The following CFAP20DC variants were observed in gnomAD, a reference collection of about 807,000 sequenced individuals.
The protein encoded by CFAP20DC is protein CFAP20DC.
CFAP20DC carries 84 observed loss-of-function variants against 101.7 expected under a neutral mutation model. The observed-to-expected ratio is 0.83, with a 90% CI of 0.69 to 0.99. The LOEUF is 0.99. Ranked by LOEUF, CFAP20DC falls within the 50% of genes least tolerant of loss-of-function variation. The pLI, the probability that CFAP20DC is intolerant of heterozygous loss-of-function variation, is 0.00. For synonymous variants in CFAP20DC, 359 were observed against 351.2 expected, an observed-to-expected ratio of 1.02 and a Z score of -0.25; for missense variants, 1,007 against 970.3, an observed-to-expected ratio of 1.04 and a Z score of -0.50.
intron 5 of CFAP20DC, among the ~76,000 whole-genome samples, chr3:58,916,192 T>C (rs1463010858): frequency 1.3e-5 from 2 of 152,160 alleles, no homozygotes; most frequent in African/African-American, 2.4e-5. Flanking sequence ...TAGGAAAGAC[T>C]TGGAGGTGAC....
At chr3:58,739,256 T>A (rs2067827691), downstream of CFAP20DC, among the ~76,000 whole-genome samples, 1 of 152,186 alleles carries the variant, frequency 6.6e-6, no homozygotes, top group African/African-American at 2.4e-5. Flanking sequence ...TAATTCCCAC[T>A]AACCAGCCTC....
chr3:58,893,340 G>A (rs578021460), intron 6 of CFAP20DC, among the ~76,000 whole-genome samples: 30 of 152,234 alleles, frequency 2.0e-4, no homozygotes, highest in East Asian at 9.7e-4. Context: ...CACCGTGCCC[G>A]GCCAAAGGAA....
chr3:58,734,019 T>C (rs1485742430), intron 3 of CFAP20DC, among the ~76,000 whole-genome samples: 1 of 152,116 alleles, frequency 6.6e-6, no homozygotes, highest in East Asian at 1.9e-4. Flanking sequence ...AGGAACCTGG[T>C]GGGAGGTGAT....
intron 3 of CFAP20DC, among the ~76,000 whole-genome samples, chr3:59,040,920 A>G (rs921086984): frequency 6.6e-6 from 1 of 152,080 alleles, no homozygotes. Flanking sequence ...TAAGCAATGT[A>G]ACAGAAATAA....
intron 5 of CFAP20DC, among the ~76,000 whole-genome samples, chr3:58,921,248 AATT>A (rs1170556035): frequency 3.3e-5 from 5 of 151,736 alleles, no homozygotes; most frequent in African/African-American, 4.8e-5. Flanking sequence ...TATTTCATTG[AATT>A]ATTATTTAAT....
chr3:58,975,984 T>C (rs1185609542), intron 4 of CFAP20DC, among the ~76,000 whole-genome samples: 1 of 152,222 alleles, frequency 6.6e-6, no homozygotes, highest in East Asian at 1.9e-4. Context: ...TTATCTCCTG[T>C]GAAAGAGGAG....
intron 14 of CFAP20DC, among the ~76,000 whole-genome samples, chr3:58,814,392 C>A (rs970644953): frequency 6.6e-6 from 1 of 151,546 alleles, no homozygotes; most frequent in African/African-American, 2.4e-5. Context: ...AAACCCACAG[C>A]CAGTATCATA....
intron 4 of CFAP20DC, among the ~76,000 whole-genome samples, chr3:58,989,998 T>A (rs993801445): frequency 6.6e-6 from 1 of 152,118 alleles, no homozygotes; most frequent in Non-Finnish European, 1.5e-5. Context: ...TGAAAGTAAT[T>A]TGTATCAAGA....
At chr3:58,927,694 G>C (rs1219588145) in intron 5 of CFAP20DC, among the ~76,000 whole-genome samples, 1 of 152,162 alleles carries the variant, frequency 6.6e-6, no homozygotes, top group African/African-American at 2.4e-5. Flanking sequence ...TAGTTCCTAA[G>C]GGGTAGAAAG....
At chr3:58,740,887 T>C (rs143521715), downstream of CFAP20DC, among the ~76,000 whole-genome samples, 2,623 of 152,314 alleles carry the variant, frequency 0.017, 137 homozygotes, top group Admixed American at 0.11. The surrounding 1 kb of genome is among the most constrained non-coding windows in gnomAD (Gnocchi z 4.6). Context: ...TTTTATCATT[T>C]TGCATGCTTT....
intron 6 of CFAP20DC, among the ~76,000 whole-genome samples, chr3:58,902,237 T>C (rs2083210361): frequency 6.6e-6 from 1 of 152,254 alleles, no homozygotes; most frequent in African/African-American, 2.4e-5. Flanking sequence ...CTAATGTGAA[T>C]TGTGCTGCTA....
chr3:58,761,895 TGA>T (rs1437837003), intron 15 of CFAP20DC, among the ~76,000 whole-genome samples: 1 of 152,176 alleles, frequency 6.6e-6, no homozygotes, highest in Non-Finnish European at 1.5e-5. Context: ...CACTGTGGTC[TGA>T]GAGACAGTTT....
In CFAP20DC at chr3:58,912,715, C is replaced by T. The variant is rs1385431688; in HGVS notation, c.550+993G>A. Reference sequence around the variant, plus strand: ...ACCATCTGAGCAGTATGGTGTGCTACCTTATGAATTCCAGGGAGCTGAGTT... The same window carrying T: ...ACCATCTGAGCAGTATGGTGTGCTATCTTATGAATTCCAGGGAGCTGAGTT... On this transcript the variant is annotated intron_variant, in intron 6 of 16. Transcript: ENST00000482387. The surrounding 1 kb of genome is among the most constrained non-coding windows in gnomAD (Gnocchi z 4.4). The T allele has an allele frequency of 2.2e-6, 1 of 456,202 alleles. No homozygotes were observed. Among genetic ancestry groups the T allele is most frequent in the Non-Finnish European group, 4.4e-6 (1 of 226,818 alleles). The allele number at this position is 456,202 out of a possible 1,614,324, so 28.3% of individuals were successfully genotyped here.
chr3:58,858,836 C>T (rs1397073115), intron 12 of CFAP20DC, among the ~76,000 whole-genome samples: 1 of 152,174 alleles, frequency 6.6e-6, no homozygotes, highest in Admixed American at 6.5e-5. Flanking sequence ...AACATCAGCA[C>T]TAGCAAACAA....
intron 15 of CFAP20DC, among the ~76,000 whole-genome samples, chr3:58,790,779 A>G (rs1443844087): frequency 6.6e-6 from 1 of 152,192 alleles, no homozygotes; most frequent in African/African-American, 2.4e-5. Context: ...AGAGAATTCC[A>G]ATTTGATAAA....
intron 4 of CFAP20DC, among the ~76,000 whole-genome samples, chr3:58,952,992 A>C (rs2090287924): frequency 6.6e-6 from 1 of 152,198 alleles, no homozygotes; most frequent in Non-Finnish European, 1.5e-5. Flanking sequence ...AGTAATAAAT[A>C]AACTAGTCCA....
Position 59,049,829 on chromosome 3 carries a change from A to AAT in CFAP20DC, c.-199_-198insAT, listed in dbSNP as rs1362090112. On this transcript the variant is annotated 5_prime_UTR_variant, in exon 1 of 17. The change creates a premature stop within an existing upstream ORF in the 5' untranslated region. Transcript: ENST00000482387. ...TCAGCTCCATCTCCCGCCCTCCATCAGCACCATTGCGGCTCCAGCCTCCGC... is the reference window on the plus strand; with the variant it reads ...TCAGCTCCATCTCCCGCCCTCCATCAATGCACCATTGCGGCTCCAGCCTCCGC... The AAT allele has an allele frequency of 1.6e-6, 1 of 637,458 alleles. No individual in the cohort carries two copies. The allele number at this position is 637,458 out of a possible 1,614,324, so 39.5% of individuals were successfully genotyped here.
chr3:58,736,315 A>C (rs1007615313), intron 3 of CFAP20DC, among the ~76,000 whole-genome samples: 10 of 152,318 alleles, frequency 6.6e-5, no homozygotes, highest in African/African-American at 2.2e-4. Flanking sequence ...GAAATGTCTG[A>C]ATCATTTTTG....
At chr3:58,801,349 C>T (rs2073686536) in intron 15 of CFAP20DC, among the ~76,000 whole-genome samples, 1 of 152,114 alleles carries the variant, frequency 6.6e-6, no homozygotes, top group Non-Finnish European at 1.5e-5. Flanking sequence ...ATCTGGATAA[C>T]AGGAAACAGT....
Sources: gnomAD v4.1 joint callset for allele counts (sites outside exome capture counted in the v4.1 genomes callset) on GRCh38, gnomAD v4.1.1 for gene constraint, Gnocchi (gnomAD v3.1) non-coding constraint, MANE v1.5 for transcripts, NCBI Gene and HGNC (gene_info 2026-07-23, HGNC 2026-07-21) for gene names.